SIDT2: variants seen among roughly 807,000 people sequenced by gnomAD.
The protein encoded by SIDT2 is SID1 transmembrane family, member 2.
In SIDT2, 68 loss-of-function variants were observed where a neutral mutation model predicts 114.4. The observed-to-expected ratio is 0.59, with a 90% CI of 0.49 to 0.73. The LOEUF is 0.73. SIDT2 is among the 30% of genes least tolerant of loss of function. The pLI is 0.00. For synonymous variants in SIDT2, 470 were observed against 438.4 expected, an observed-to-expected ratio of 1.07 and a Z score of -0.90; for missense variants, 918 against 1,097.1, an observed-to-expected ratio of 0.84 and a Z score of 2.31.
intron 24 of SIDT2, 88 bp from the exon 25 acceptor site, chr11:117,195,714 G>C (rs1442782570): frequency 2.2e-6 from 3 of 1,361,404 alleles, no homozygotes; most frequent in African/African-American, 1.4e-5. Context: ...CTGGAGAGAG[G>C]GGTGCCCAGG....
intron 8 of SIDT2, 48 bp from the exon 9 acceptor site, chr11:117,186,082 G>A: frequency 6.6e-7 from 1 of 1,514,670 alleles, no homozygotes; most frequent in Non-Finnish European, 9.2e-7. Flanking sequence ...CATGATGGGA[G>A]GTGGTGGAAG....
At chr11:117,187,782 C>A in intron 12 of SIDT2, 83 bp downstream of exon 12, 1 of 1,322,574 alleles carries the variant, frequency 7.6e-7, no homozygotes, top group Non-Finnish European at 1.1e-6. Flanking sequence ...GTTGCCTCTT[C>A]TGCCAGATGC....
In SIDT2 at chr11:117,188,503, A is replaced by G; in HGVS notation, c.1160-205A>G. 2 of 593,030 alleles carry G rather than the reference A, an allele frequency of 3.4e-6. No homozygotes were observed. The highest frequency in any genetic ancestry group is 6.1e-6 in the Non-Finnish European group (2 of 330,242). The allele number at this position is 593,030 out of a possible 1,614,324, so 36.7% of individuals were successfully genotyped here. On this transcript the variant is annotated intron_variant, in intron 12 of 25. Transcript: ENST00000324225. The surrounding 1 kb of genome is among the most constrained non-coding windows in gnomAD (Gnocchi z 4.0). Reference sequence around the variant, plus strand: ...CGGCCCCTGTGTGGTGGCCTCTTCTAGAGTCTACCATCATCCCCCAGGACT... The same window carrying G: ...CGGCCCCTGTGTGGTGGCCTCTTCTGGAGTCTACCATCATCCCCCAGGACT...
At position 117,181,762 on chromosome 11, in the gene SIDT2, G is replaced by A. The variant is rs748113514; in HGVS notation, c.306-45G>A. The A allele has an allele frequency of 4.4e-5, 71 of 1,612,546 alleles. No homozygotes were observed. The East Asian group carries it at 1.1e-3, about 25-fold the overall frequency. ...CCTCGCTCCTCTGGAGGGGCAGGCC[G>A]GCTGGGACAGTGCTCACATCCTATC... On this transcript the variant is annotated intron_variant, in intron 2 of 25. Coordinates refer to ENST00000324225, the MANE Select transcript of SIDT2 (RefSeq NM_001040455.2).
chr11:117,186,105 C>T (rs370856871), intron 8 of SIDT2, 25 bp from the exon 9 acceptor site: 1 of 1,605,654 alleles, frequency 6.2e-7, no homozygotes, highest in Non-Finnish European at 8.5e-7. Context: ...TTTGACCTGT[C>T]CACCTTCCTG....
chr11:117,190,719 A>G lies in SIDT2; in HGVS notation c.1714A>G (p.Asn572Asp). 1 of 1,613,928 alleles carries G rather than the reference A, an allele frequency of 6.2e-7. No individual in the cohort carries two copies. The highest frequency in any genetic ancestry group is 1.3e-5 in the African/African-American group (1 of 75,008). ...CAGTGCTTGCTATCATGTGTGCCCC[A>G]ACTATACCAATTTCCAGTTTGGTGA... is the stretch of plus-strand genomic sequence containing the variant. ...LLSACYHVCP[N>D]YTNFQFDTSF... is the part of the protein sequence containing the mutation. Residue 572 changes from asparagine to aspartate, a missense_variant, in exon 18 of 26, where the codon AAC becomes GAC. Coordinates refer to ENST00000324225, the MANE Select transcript of SIDT2 (RefSeq NM_001040455.2). This position sits in a 1 kb window ranked among gnomAD's most constrained non-coding sequence, Gnocchi z 4.1.
intron 8 of SIDT2, 44 bp from the exon 9 acceptor site, chr11:117,186,086 G>T (rs1167926978): frequency 6.5e-7 from 1 of 1,545,176 alleles, no homozygotes; most frequent in Non-Finnish European, 8.9e-7. Context: ...ATGGGAGGTG[G>T]TGGAAGGTTT....
chr11:117,182,152 G>C (rs778786070), intron 4 of SIDT2, 47 bp downstream of exon 4: 1 of 1,605,566 alleles, frequency 6.2e-7, no homozygotes, highest in South Asian at 1.1e-5. Context: ...GGGGGAGCTT[G>C]AATATGAGAA....
chr11:117,178,889 G>A lies in SIDT2; in HGVS notation c.-375G>A, dbSNP rs995437278. 4 of 206,882 alleles carry A rather than the reference G, an allele frequency of 1.9e-5. No homozygotes were observed. The East Asian group carries it at 3.7e-4, about 19-fold the overall frequency. 12.8% of individuals were successfully genotyped at this position (206,882 alleles called of 1,614,324 possible). A position where few individuals can be genotyped will look rare whatever the true frequency, so the allele number is the denominator to read the frequency against. ...CCTTCCTCCGCGGCCAGCCCCCGCCGCCGGCTCTTCCTCCCTCCCCTTTCC... is the reference window on the plus strand; with the variant it reads ...CCTTCCTCCGCGGCCAGCCCCCGCCACCGGCTCTTCCTCCCTCCCCTTTCC... On this transcript the variant is annotated 5_prime_UTR_variant, in exon 1 of 26. Transcript: ENST00000324225.
At chr11:117,179,699 A>G in intron 1 of SIDT2, 1 of 481,276 alleles carries the variant, frequency 2.1e-6, no homozygotes, top group Admixed American at 3.8e-5. Flanking sequence ...TTCTTCCATC[A>G]GTTGTGGTCT....
rs142790420 is a variant in SIDT2, at chr11:117,186,185, C to G, written c.924C>G (p.Tyr308Ter). 6.2e-7 allele frequency: 1 copy of G among 1,614,102 alleles called. No individual in the cohort carries two copies. Among genetic ancestry groups the G allele is most frequent in the Admixed American group, 1.7e-5 (1 of 60,000 alleles). Reference sequence around the variant, plus strand: ...GCCTGGGTATATTTCTCTCCTTTTACCTGCTGACCGTCCTCCTGGCCTGCT... The same window carrying G: ...GCCTGGGTATATTTCTCTCCTTTTAGCTGCTGACCGTCCTCCTGGCCTGCT... The part of the protein sequence containing the change: ...LFCLGIFLSF[Y>*]LLTVLLACWE... Residue 308 changes from tyrosine to a stop codon, truncating the protein, a stop_gained, in exon 9 of 26, where the codon TAC becomes TAG. Coordinates refer to ENST00000324225, the MANE Select transcript of SIDT2 (RefSeq NM_001040455.2). LOFTEE classifies it high-confidence loss of function.
rs1053126476 is a variant in SIDT2 at position 117,178,868 on chromosome 11, C to T, written c.-396C>T. On this transcript the variant is annotated 5_prime_UTR_variant, in exon 1 of 26. Transcript: ENST00000324225. Reference sequence around the variant, plus strand: ...CGCCCCTCACTCTGCGACTCGCCTTCCTCCGCGGCCAGCCCCCGCCGCCGG... The same window carrying T: ...CGCCCCTCACTCTGCGACTCGCCTTTCTCCGCGGCCAGCCCCCGCCGCCGG... The T allele has an allele frequency of 2.9e-5, 6 of 203,488 alleles. No individual in the cohort carries two copies. The highest frequency in any genetic ancestry group is 1.1e-4 in the Admixed American group (2 of 18,434). The allele number at this position is 203,488 out of a possible 1,614,324, so 12.6% of individuals were successfully genotyped here.
At chr11:117,189,440 G>C (rs753116263) in intron 15 of SIDT2, 39 bp downstream of exon 15, 2 of 1,602,586 alleles carry the variant, frequency 1.2e-6, no homozygotes. Context: ...CGACAGCCTA[G>C]GACACCGCCC....
At position 117,197,026 on chromosome 11, in the gene SIDT2, G is replaced by A. The variant is rs1211886965; in HGVS notation, c.*960G>A. On this transcript the variant is annotated 3_prime_UTR_variant, in exon 26 of 26. Transcript: ENST00000324225. ...TGCCTACCTTAGAAAGGGGCTTCAGGAAGGGATGTGCTGTTTCCCTCTACG... is the reference window on the plus strand; with the variant it reads ...TGCCTACCTTAGAAAGGGGCTTCAGAAAGGGATGTGCTGTTTCCCTCTACG... The A allele has an allele frequency of 1.3e-5, 2 of 152,702 alleles. No individual in the cohort carries two copies. Among genetic ancestry groups the A allele is most frequent in the East Asian group, 3.9e-4 (2 of 5,176 alleles). The allele number at this position is 152,702 out of a possible 1,614,324, so 9.5% of individuals were successfully genotyped here.
chr11:117,190,038 C>T lies in SIDT2; in HGVS notation c.1493+13C>T. 3 of 1,614,074 alleles carry T rather than the reference C, an allele frequency of 1.9e-6. No homozygotes were observed. Among genetic ancestry groups the T allele is most frequent in the Non-Finnish European group, 2.5e-6 (3 of 1,179,964 alleles). ...TGGGCAATCTCAGGTGGGGGTCATGCTGGGAGGCCCCTTGTCCAGGCCAAG... is the reference window on the plus strand; with the variant it reads ...TGGGCAATCTCAGGTGGGGGTCATGTTGGGAGGCCCCTTGTCCAGGCCAAG... On this transcript the variant is annotated intron_variant, in intron 16 of 25. Coordinates refer to ENST00000324225, the MANE Select transcript of SIDT2 (RefSeq NM_001040455.2). The surrounding 1 kb of genome is among the most constrained non-coding windows in gnomAD (Gnocchi z 4.1).
Position 117,181,550 on chromosome 11 carries a change from T to C in SIDT2, c.305+13T>C, listed in dbSNP as rs2134247895. On this transcript the variant is annotated intron_variant, in intron 2 of 25. Coordinates refer to ENST00000324225, the MANE Select transcript of SIDT2 (RefSeq NM_001040455.2). The stretch of plus-strand genomic sequence containing the variant: ...TCCTGCGAGGGATGTGAGTAGGATC[T>C]GGGCATCAGGGAAGCGGGGCAGCCT... 6.2e-7 allele frequency: 1 copy of C among 1,613,884 alleles called. No individual in the cohort carries two copies. The highest frequency in any genetic ancestry group is 8.5e-7 in the Non-Finnish European group (1 of 1,179,980).
chr11:117,183,377 G>A (rs535758924), intron 6 of SIDT2, among the ~76,000 whole-genome samples: 11 of 148,428 alleles, frequency 7.4e-5, no homozygotes, highest in African/African-American at 2.5e-4. Context: ...AGTGGCTCAC[G>A]CCTGTAATCC....
At chr11:117,194,269 C>G (rs1232542516) in intron 24 of SIDT2, 2 of 258,356 alleles carry the variant, frequency 7.7e-6, no homozygotes, top group Non-Finnish European at 1.5e-5. Flanking sequence ...GCCAAGATTG[C>G]ACCATTGCAC....
intron 8 of SIDT2, chr11:117,185,910 T>A: frequency 4.8e-6 from 2 of 416,642 alleles, no homozygotes; most frequent in African/African-American, 2.2e-5. Flanking sequence ...AAGAGAAAGT[T>A]CTAGCCCAGG....
Sources: gnomAD v4.1 joint callset for allele counts (sites outside exome capture counted in the v4.1 genomes callset) on GRCh38, gnomAD v4.1.1 for gene constraint, Gnocchi (gnomAD v3.1) non-coding constraint, MANE v1.5 for transcripts, NCBI Gene and HGNC (gene_info 2026-07-23, HGNC 2026-07-21) for gene names.